Variants in GLYATL2 observed in about 807,000 individuals in gnomAD.
GLYATL2 encodes the protein glycine N-acyltransferase-like protein 2.
GLYATL2 carries 25 observed loss-of-function variants against 21.4 expected under a neutral mutation model. The observed-to-expected ratio is 1.17, with a 90% CI of 0.85 to 1.63. The LOEUF (loss-of-function observed/expected upper bound fraction) is 1.63. Ranked by LOEUF, GLYATL2 falls within the 40% of genes most tolerant of loss-of-function variation. GLYATL2 has a pLI of 0.00. For synonymous variants in GLYATL2, 114 were observed against 118.2 expected (o/e 0.96, Z 0.23); for missense variants, 361 against 343.3 (o/e 1.05, Z -0.41).
chr11:58,888,052 G>T (rs1854474105), intron 1 of GLYATL2, among the ~76,000 whole-genome samples: 2 of 152,156 alleles, frequency 1.3e-5, no homozygotes, highest in African/African-American at 2.4e-5. Context: ...TCTTATTGTA[G>T]ATTTAATTTG....
Position 58,834,836 on chromosome 11 carries a change from C to T in GLYATL2, c.478G>A (p.Glu160Lys), listed in dbSNP as rs11229651. Residue 160 changes from glutamate to lysine, a missense_variant and splice_region_variant, in exon 6 of 6, where the codon GAA becomes AAA. Physicochemically the swap from Glu to Lys is moderately conservative, Grantham distance 56 (BLOSUM62 1). Coordinates refer to ENST00000287275, the MANE Select transcript of GLYATL2 (RefSeq NM_145016.4). ...ELFEVDDDNK[E>K]GNFSNMFLDA... ...AAGAACATGTTTGAAAAGTTTCCTT[C>T]CCTGTGAAGAAAAAGAATTTTACAT... 0.23 allele frequency: 352,477 copies of T among 1,563,826 alleles called. 44,134 individuals are homozygous for T. Among genetic ancestry groups the T allele is most frequent in the East Asian group, 0.49 (21,587 of 44,348 alleles).
intron 1 of GLYATL2, among the ~76,000 whole-genome samples, chr11:58,890,359 C>T (rs1354230623): frequency 6.6e-6 from 1 of 152,050 alleles, no homozygotes; most frequent in East Asian, 1.9e-4. Context: ...ACCAAAATGA[C>T]ACATCCTGTT....
At chr11:58,890,296 TA>T (rs2134620703) in intron 1 of GLYATL2, among the ~76,000 whole-genome samples, 1 of 152,274 alleles carries the variant, frequency 6.6e-6, no homozygotes, top group Non-Finnish European at 1.5e-5. Flanking sequence ...AGTTACCATT[TA>T]ACCCAGCAAT....
upstream of GLYATL2, chr11:58,908,705 G>A (rs547071987): frequency 6.6e-6 from 1 of 152,356 alleles, no homozygotes; most frequent in South Asian, 2.1e-4. Flanking sequence ...AAGTGCTTGT[G>A]TAAAGCAAAA....
chr11:58,905,719 GA>G, upstream of GLYATL2: 1 of 395,518 alleles, frequency 2.5e-6, no homozygotes, highest in Non-Finnish European at 5.1e-6. Flanking sequence ...CTGGGACCGG[GA>G]TGGGTCATCT....
At chr11:58,898,600 C>T (rs1052405513) in intron 1 of GLYATL2, among the ~76,000 whole-genome samples, 4 of 151,720 alleles carry the variant, frequency 2.6e-5, no homozygotes, top group African/African-American at 7.3e-5. Flanking sequence ...TTTCGGAGAC[C>T]GAGGCGGGCA....
chr11:58,869,551 T>C (rs1349559029), intron 1 of GLYATL2, among the ~76,000 whole-genome samples: 1 of 152,224 alleles, frequency 6.6e-6, no homozygotes, highest in Non-Finnish European at 1.5e-5. Flanking sequence ...TATTACTATC[T>C]CGTGGCTAGA....
At chr11:58,883,199 C>A (rs192046512) in intron 1 of GLYATL2, among the ~76,000 whole-genome samples, 1 of 152,220 alleles carries the variant, frequency 6.6e-6, no homozygotes, top group East Asian at 1.9e-4. Flanking sequence ...ATGGAATGTT[C>A]TTCCATTAGT....
chr11:58,852,299 G>A (rs1853756168), intron 1 of GLYATL2, among the ~76,000 whole-genome samples: 1 of 152,108 alleles, frequency 6.6e-6, no homozygotes. Context: ...CATGCTTCAG[G>A]AAGAAGAATT....
chr11:58,884,869 T>C (rs1323370910), intron 1 of GLYATL2: 1 of 164,068 alleles, frequency 6.1e-6, no homozygotes, highest in Non-Finnish European at 1.5e-5. Context: ...ATTCATTTGT[T>C]CCCTTAACAT....
intron 1 of GLYATL2, among the ~76,000 whole-genome samples, chr11:58,890,736 T>C (rs1394249320): frequency 6.6e-6 from 1 of 151,944 alleles, no homozygotes; most frequent in Non-Finnish European, 1.5e-5. Flanking sequence ...TAATTATTTT[T>C]TTCTTTTCTC....
intron 3 of GLYATL2, among the ~76,000 whole-genome samples, chr11:58,837,798 T>C (rs147227169): frequency 6.0e-4 from 91 of 152,336 alleles, no homozygotes; most frequent in African/African-American, 2.1e-3. Flanking sequence ...GCTCAGTGAT[T>C]GGCTCTTGGT....
chr11:58,838,436 G>C, intron 2 of GLYATL2, 68 bp from the exon 3 acceptor site: 1 of 992,240 alleles, frequency 1.0e-6, no homozygotes, highest in Non-Finnish European at 1.6e-6. Context: ...TATATGTGGA[G>C]AAATAAGACA....
chr11:58,851,531 A>C (rs1334583801), intron 1 of GLYATL2, among the ~76,000 whole-genome samples: 1 of 150,944 alleles, frequency 6.6e-6, no homozygotes, highest in African/African-American at 2.4e-5. Context: ...ATATGCACAT[A>C]CTCTGTACCC....
rs565291622 is a variant in GLYATL2 at position 58,897,411 on chromosome 11, A to T, written n.60+6745T>A. 4.6e-5 allele frequency among the ~76,000 whole-genome samples: 7 copies of T among 152,298 alleles called. 1 individual carries two copies. The East Asian group carries it at 1.4e-3, about 29-fold the overall frequency. The stretch of plus-strand genomic sequence containing the variant: ...ATGATGTCCAAGGTCACCCCTGTGG[A>T]TAACAAAAATATTTAAAAACCTATA... On this transcript the variant is annotated intron_variant and non_coding_transcript_variant, in intron 1 of 4. Coordinates refer to the GLYATL2 transcript ENST00000533636.
At chr11:58,847,899 C>A (rs886469122), upstream of GLYATL2, among the ~76,000 whole-genome samples, 13 of 151,932 alleles carry the variant, frequency 8.6e-5, no homozygotes, top group African/African-American at 2.7e-4. Context: ...GCTGTGCGGA[C>A]CTCAGGCCTG....
At chr11:58,862,502 T>G (rs919075142) in intron 1 of GLYATL2, among the ~76,000 whole-genome samples, 1 of 152,180 alleles carries the variant, frequency 6.6e-6, no homozygotes, top group Admixed American at 6.5e-5. Context: ...TTTTCTCATT[T>G]TTTTCCTTTT....
chr11:58,868,575 T>G (rs981453583), intron 1 of GLYATL2, among the ~76,000 whole-genome samples: 1 of 149,244 alleles, frequency 6.7e-6, no homozygotes, highest in African/African-American at 2.4e-5. Flanking sequence ...TGATTGGTTT[T>G]CTGTGCAGTG....
intron 1 of GLYATL2, among the ~76,000 whole-genome samples, chr11:58,903,843 C>T (rs544569011): frequency 2.0e-4 from 31 of 152,266 alleles, no homozygotes; most frequent in African/African-American, 6.5e-4. Flanking sequence ...GGCATTCACC[C>T]GCATGTGTTG....
Sources: allele counts gnomAD v4.1 joint callset (sites outside exome capture counted in the v4.1 genomes callset), GRCh38; gene constraint gnomAD v4.1.1; transcripts MANE v1.5; gene names NCBI Gene and HGNC (gene_info 2026-07-23, HGNC 2026-07-21).